Variants in LUZP2 observed in about 807,000 individuals in gnomAD.
The protein encoded by LUZP2 is leucine zipper protein 2.
In LUZP2, 52 loss-of-function variants were observed where a neutral mutation model predicts 51.6. The ratio of observed to expected loss-of-function variants is 1.01; its 90% confidence interval spans 0.81 to 1.27. The LOEUF is 1.27. LUZP2 is among the 50% of genes most tolerant of loss of function. The pLI is 0.00. For missense variants in LUZP2, 436 were observed against 395.4 expected, an observed-to-expected ratio of 1.10 and a Z score of -0.87; for synonymous variants, 154 against 137.3, an observed-to-expected ratio of 1.12 and a Z score of -0.85.
chr11:24,831,489 G>C (rs1590609322), intron 5 of LUZP2, among the ~76,000 whole-genome samples: 1 of 152,228 alleles, frequency 6.6e-6, no homozygotes, highest in East Asian at 1.9e-4. Context: ...GAAGGTACAG[G>C]CAGTATAGTA....
chr11:24,655,566 T>C (rs538358515), intron 1 of LUZP2, among the ~76,000 whole-genome samples: 172 of 152,174 alleles, frequency 1.1e-3, no homozygotes, highest in African/African-American at 4.1e-3. Flanking sequence ...ATTGGTAAAA[T>C]AGTAGGCAAA....
intron 7 of LUZP2, among the ~76,000 whole-genome samples, chr11:24,920,233 A>G (rs993647342): frequency 2.0e-4 from 30 of 152,018 alleles, no homozygotes; most frequent in African/African-American, 6.0e-4. Context: ...TTTATTGAAT[A>G]AAAACAATTT....
chr11:24,704,005 C>G (rs1198936153), intron 1 of LUZP2, among the ~76,000 whole-genome samples: 1 of 152,104 alleles, frequency 6.6e-6, no homozygotes, highest in Non-Finnish European at 1.5e-5. Context: ...ATTTGATTTT[C>G]TAAACCAACT....
At chr11:24,513,365 C>T (rs1210973488) in intron 1 of LUZP2, among the ~76,000 whole-genome samples, 1 of 152,118 alleles carries the variant, frequency 6.6e-6, no homozygotes, top group Non-Finnish European at 1.5e-5. Flanking sequence ...TAGCCTTCAT[C>T]CTTTAGCAGT....
intron 5 of LUZP2, among the ~76,000 whole-genome samples, chr11:24,851,580 T>C (rs1464015099): frequency 6.6e-6 from 1 of 152,150 alleles, no homozygotes; most frequent in Non-Finnish European, 1.5e-5. Flanking sequence ...TTTTCTTTTG[T>C]TGTTGTTGTA....
intron 5 of LUZP2, among the ~76,000 whole-genome samples, chr11:24,774,529 TATATATAAAGA>T (rs1393797716): frequency 1.1e-5 from 1 of 87,464 alleles, no homozygotes. Context: ...ATATGTAGAA[TATATATAAAGA>T]ATATATATAG....
At chr11:24,710,776 T>C (rs558389643) in intron 1 of LUZP2, among the ~76,000 whole-genome samples, 9 of 152,186 alleles carry the variant, frequency 5.9e-5, no homozygotes, top group Non-Finnish European at 1.0e-4. Flanking sequence ...TTTGCAATTA[T>C]GTATTTGTTT....
intron 5 of LUZP2, among the ~76,000 whole-genome samples, chr11:24,860,310 C>T (rs1388915709): frequency 6.6e-6 from 1 of 152,136 alleles, no homozygotes; most frequent in African/African-American, 2.4e-5. Flanking sequence ...AGTCTGAGCC[C>T]CTAGTGGGAG....
At chr11:24,518,359 AT>A (rs1251408139) in intron 1 of LUZP2, among the ~76,000 whole-genome samples, 1 of 151,754 alleles carries the variant, frequency 6.6e-6, no homozygotes, top group Non-Finnish European at 1.5e-5. Flanking sequence ...ATCTTTGATT[AT>A]TTTTTTTAAT....
intron 1 of LUZP2, among the ~76,000 whole-genome samples, chr11:24,693,528 C>T (rs1341714790): frequency 6.6e-6 from 1 of 151,798 alleles, no homozygotes; most frequent in African/African-American, 2.4e-5. Flanking sequence ...TAAAAATACA[C>T]AAACAGGAAG....
intron 7 of LUZP2, among the ~76,000 whole-genome samples, chr11:24,916,919 A>G (rs1006048367): frequency 6.6e-6 from 1 of 152,188 alleles, no homozygotes; most frequent in Non-Finnish European, 1.5e-5. Context: ...ACTGTCTTCC[A>G]CAGTGGTTGA....
intron 1 of LUZP2, among the ~76,000 whole-genome samples, chr11:24,590,975 G>T (rs1257197995): frequency 6.6e-6 from 1 of 152,104 alleles, no homozygotes; most frequent in Non-Finnish European, 1.5e-5. Context: ...GCCGAGCAAG[G>T]TGGCTCACAC....
intron 5 of LUZP2, among the ~76,000 whole-genome samples, chr11:24,886,075 A>G (rs796597331): frequency 2.6e-5 from 4 of 152,308 alleles, no homozygotes; most frequent in African/African-American, 9.6e-5. Flanking sequence ...GAATTAAATT[A>G]TTATTCATGT....
intron 1 of LUZP2, among the ~76,000 whole-genome samples, chr11:24,597,276 T>G (rs1237166970): frequency 1.3e-5 from 2 of 152,238 alleles, no homozygotes; most frequent in African/African-American, 4.8e-5. Flanking sequence ...AAACTGTTCA[T>G]ATGTGCATTT....
At chr11:24,859,185 C>A (rs941815026) in intron 5 of LUZP2, among the ~76,000 whole-genome samples, 1 of 151,984 alleles carries the variant, frequency 6.6e-6, no homozygotes, top group Non-Finnish European at 1.5e-5. Context: ...TCACATATGA[C>A]TTATATTAAG....
chr11:24,539,346 GTTATAA>G (rs548936258), intron 1 of LUZP2, among the ~76,000 whole-genome samples: 195 of 151,932 alleles, frequency 1.3e-3, no homozygotes, highest in Admixed American at 2.6e-3. Context: ...TGTGCTATCT[GTTATAA>G]TTATGAATAA....
At chr11:24,604,736 C>A (rs1052593970) in intron 1 of LUZP2, among the ~76,000 whole-genome samples, 2 of 151,638 alleles carry the variant, frequency 1.3e-5, no homozygotes, top group Non-Finnish European at 3.0e-5. Context: ...CAAGGAGTAA[C>A]CTTACATTTT....
rs186500100 is a variant in LUZP2 at position 24,586,124 on chromosome 11, G to C, written c.62+88819G>C. 1.7e-3 allele frequency among the ~76,000 whole-genome samples: 254 copies of C among 152,186 alleles called. 2 individuals are homozygous for C. Among genetic ancestry groups the C allele is most frequent in the African/African-American group, 5.4e-3 (224 of 41,554 alleles). On this transcript the variant is annotated intron_variant, in intron 1 of 11. Coordinates refer to ENST00000336930, the MANE Select transcript of LUZP2 (RefSeq NM_001009909.4). ...AGGCCAAACCACAGAGAATTGATGT[G>C]AGAAAGGAGGCAAAGTTTTAAAGCA...
intron 7 of LUZP2, among the ~76,000 whole-genome samples, chr11:24,955,379 AAG>A (rs909353940): frequency 2.0e-5 from 3 of 151,964 alleles, no homozygotes; most frequent in Non-Finnish European, 4.4e-5. Flanking sequence ...GGAAAGGAAA[AAG>A]AGAGAGAAGG....
Sources: allele counts gnomAD v4.1 joint callset (sites outside exome capture counted in the v4.1 genomes callset), GRCh38; gene constraint gnomAD v4.1.1; transcripts MANE v1.5; gene names NCBI Gene and HGNC (gene_info 2026-07-23, HGNC 2026-07-21).